HEMK2: variants seen among roughly 807,000 people sequenced by gnomAD.
HEMK2 encodes the protein HemK methyltransferase 2, ETF1 glutamine and histone H4 lysine.
chr21:28,691,385 T>C, the HEMK2 span, among the ~76,000 whole-genome samples: 1 of 152,214 alleles, frequency 6.6e-6, no homozygotes, highest in Non-Finnish European at 1.5e-5. Context: ...ATATCTCTGA[T>C]GGGGTTCACT....
chr21:28,664,262 T>C, the HEMK2 span, among the ~76,000 whole-genome samples: 68 of 152,336 alleles, frequency 4.5e-4, 1 homozygote, highest in Middle Eastern at 3.4e-3. Context: ...TGCAAAAGAT[T>C]TGTGGTCTTT....
At chr21:28,692,268 G>C in the HEMK2 span, among the ~76,000 whole-genome samples, 1 of 152,086 alleles carries the variant, frequency 6.6e-6, no homozygotes, top group Non-Finnish European at 1.5e-5. Context: ...CAAGAGACTA[G>C]TATCCATGAG....
the HEMK2 span, among the ~76,000 whole-genome samples, chr21:28,790,543 A>C: frequency 6.6e-6 from 1 of 152,130 alleles, no homozygotes; most frequent in Non-Finnish European, 1.5e-5. Flanking sequence ...CAGCACAAGA[A>C]TACCCCAGGG....
the HEMK2 span, among the ~76,000 whole-genome samples, chr21:28,836,019 G>T: frequency 6.6e-6 from 1 of 152,148 alleles, no homozygotes; most frequent in Non-Finnish European, 1.5e-5. Context: ...AATAATCAGT[G>T]TTCTTGAGAA....
At chr21:28,653,605 A>G in the HEMK2 span, among the ~76,000 whole-genome samples, 1 of 152,178 alleles carries the variant, frequency 6.6e-6, no homozygotes, top group South Asian at 2.1e-4. Flanking sequence ...TCAATTGCGT[A>G]TCACTTCTGC....
chr21:28,708,600 A>G, the HEMK2 span, among the ~76,000 whole-genome samples: 18 of 152,380 alleles, frequency 1.2e-4, no homozygotes, highest in Non-Finnish European at 2.5e-4. Context: ...CCAAGGAAAA[A>G]TAGAAAGTAT....
the HEMK2 span, among the ~76,000 whole-genome samples, chr21:28,629,324 C>T: frequency 1.6e-3 from 251 of 152,302 alleles, no homozygotes; most frequent in Non-Finnish European, 3.1e-3. Flanking sequence ...GGAGACAGTG[C>T]TGTGGTGTTG....
the HEMK2 span, among the ~76,000 whole-genome samples, chr21:28,797,423 C>G: frequency 9.3e-5 from 14 of 150,156 alleles, no homozygotes. Context: ...TGGTGAAACC[C>G]TGTCTCTACC....
At chr21:28,678,770 C>T in the HEMK2 span, among the ~76,000 whole-genome samples, 59 of 152,266 alleles carry the variant, frequency 3.9e-4, no homozygotes, top group African/African-American at 1.4e-3. Flanking sequence ...ATTTTCAACC[C>T]AGAATTTCAT....
At chr21:28,832,826 C>A in the HEMK2 span, among the ~76,000 whole-genome samples, 1 of 152,218 alleles carries the variant, frequency 6.6e-6, no homozygotes, top group African/African-American at 2.4e-5. Flanking sequence ...CAATGATGAA[C>A]TGAGTGCCTG....
chr21:28,872,212 T>C, the HEMK2 span: 2 of 152,196 alleles, frequency 1.3e-5, no homozygotes, highest in African/African-American at 4.8e-5. Flanking sequence ...CAGAATTTAT[T>C]AGGCAAAAGG....
chr21:28,740,909 T>C, the HEMK2 span, among the ~76,000 whole-genome samples: 1 of 146,414 alleles, frequency 6.8e-6, no homozygotes, highest in South Asian at 2.1e-4. Context: ...ATACATTACA[T>C]TTTTGAAAAT....
At chr21:28,734,624 T>C in the HEMK2 span, among the ~76,000 whole-genome samples, 1 of 152,182 alleles carries the variant, frequency 6.6e-6, no homozygotes, top group African/African-American at 2.4e-5. Flanking sequence ...TAATCCTGAT[T>C]GAACCCATGC....
chr21:28,764,536 T>C, the HEMK2 span, among the ~76,000 whole-genome samples: 2 of 152,198 alleles, frequency 1.3e-5, no homozygotes, highest in Non-Finnish European at 1.5e-5. Flanking sequence ...TATCAGGATA[T>C]ACACAGAGAG....
At chr21:28,623,457 C>T in the HEMK2 span, among the ~76,000 whole-genome samples, 1 of 152,182 alleles carries the variant, frequency 6.6e-6, no homozygotes, top group Admixed American at 6.5e-5. Context: ...CCAGAAATAT[C>T]ATTTCACCCA....
the HEMK2 span, among the ~76,000 whole-genome samples, chr21:28,603,129 C>A: frequency 6.6e-6 from 1 of 152,174 alleles, no homozygotes; most frequent in Non-Finnish European, 1.5e-5. Context: ...CACCAGAGTA[C>A]CCTTGCAGAA....
chr21:28,730,677 G>T, the HEMK2 span, among the ~76,000 whole-genome samples: 13 of 152,168 alleles, frequency 8.5e-5, no homozygotes, highest in Non-Finnish European at 1.3e-4. Flanking sequence ...CTCTCCATAG[G>T]GCTATTTAGA....
the HEMK2 span, among the ~76,000 whole-genome samples, chr21:28,816,614 G>A: frequency 6.6e-6 from 1 of 152,132 alleles, no homozygotes; most frequent in East Asian, 1.9e-4. Context: ...CCAGGAGTTG[G>A]AGCCCGCACT....
At chr21:28,641,380 C>A in the HEMK2 span, among the ~76,000 whole-genome samples, 2 of 152,296 alleles carry the variant, frequency 1.3e-5, no homozygotes, top group Middle Eastern at 3.4e-3. Context: ...AATGAACTTG[C>A]AGTGTGCCCC....
Sources: allele counts gnomAD v4.1 joint callset (sites outside exome capture counted in the v4.1 genomes callset), GRCh38; gene constraint gnomAD v4.1.1; transcripts MANE v1.5; gene names NCBI Gene and HGNC (gene_info 2026-07-23, HGNC 2026-07-21).